MED16: variants seen among roughly 807,000 people sequenced by gnomAD.
MED16 encodes mediator of RNA polymerase II transcription subunit 16.
A neutral mutation model predicts 84.4 loss-of-function variants in MED16; 81 were observed. The observed-to-expected ratio is 0.96, with a 90% confidence interval of 0.80 to 1.15. The LOEUF is 1.15. Ranked by LOEUF, MED16 falls within the 50% of genes most tolerant of loss-of-function variation. MED16 has a pLI of 0.00. For missense variants in MED16, 1,585 were observed against 1,245.9 expected (o/e 1.27, Z -4.10); for synonymous variants, 897 against 552.2 (o/e 1.62, Z -8.76).
At position 878,708 on chromosome 19, in the gene MED16, C is replaced by T. The variant is rs1395168427; in HGVS notation, c.1353+1229G>A. On this transcript the variant is annotated intron_variant, in intron 8 of 15. Transcript: ENST00000325464. Reference sequence around the variant, plus strand: ...CCCAACCCCACGTGCCCCAGCAGCTCGCCTTCCCCTGGTTGTCAATCCCCA... The same window carrying T: ...CCCAACCCCACGTGCCCCAGCAGCTTGCCTTCCCCTGGTTGTCAATCCCCA... Among the ~76,000 whole-genome samples the T allele has an allele frequency of 3.9e-4, 55 of 139,728 alleles. 1 individual carries two copies. The highest frequency in any genetic ancestry group is 1.3e-3 in the African/African-American group (49 of 36,792). 91.7% of individuals were successfully genotyped at this position (139,728 alleles called of 152,430 possible).
rs1376677726 is a variant in MED16 at position 868,499 on chromosome 19, C to A, written c.2400G>T (p.Arg800Ser). 2 of 1,609,852 alleles carry A rather than the reference C, an allele frequency of 1.2e-6. No individual in the cohort carries two copies. Among genetic ancestry groups the A allele is most frequent in the Non-Finnish European group, 1.7e-6 (2 of 1,179,848 alleles). Residue 800 changes from arginine to serine, a missense_variant and splice_region_variant, in exon 15 of 16, where the codon AGG becomes AGT. Coordinates refer to ENST00000325464, the MANE Select transcript of MED16 (RefSeq NM_005481.3). ...CPTEECKACT[R>S]CGCVTMLKSP... is the part of the protein sequence containing the mutation. Reference sequence around the variant, plus strand: ...ACTTGAGCATGGTGACACAGCCGCACCTGCGGGGAGGCAGGCACTGAGCGG... The same window carrying A: ...ACTTGAGCATGGTGACACAGCCGCAACTGCGGGGAGGCAGGCACTGAGCGG...
chr19:871,516 T>C, intron 12 of MED16: 1 of 1,550,130 alleles, frequency 6.5e-7, no homozygotes, highest in Non-Finnish European at 8.7e-7. Flanking sequence ...GGAAGCACTG[T>C]GCCTTTTCCA....
intron 13 of MED16, among the ~76,000 whole-genome samples, chr19:869,820 G>A (rs1282705736): frequency 6.6e-6 from 1 of 152,208 alleles, no homozygotes; most frequent in African/African-American, 2.4e-5. Flanking sequence ...TGTGCTCCTT[G>A]TCAAACGTGT....
intron 15 of MED16, 66 bp downstream of exon 15, chr19:868,350 G>T (rs1568315900): frequency 1.9e-6 from 3 of 1,592,066 alleles, no homozygotes; most frequent in Admixed American, 1.7e-5. Context: ...GGTAGCTGAG[G>T]AGTAGCTGAG....
intron 13 of MED16, among the ~76,000 whole-genome samples, chr19:869,457 T>C (rs1408996677): frequency 6.6e-6 from 1 of 152,156 alleles, no homozygotes; most frequent in Non-Finnish European, 1.5e-5. Flanking sequence ...GGCCGGCTTA[T>C]TCTGCTCTCA....
Position 881,623 on chromosome 19 carries a change from C to G in MED16, c.1077G>C (p.Leu359=), listed in dbSNP as rs1374518882. The G allele has an allele frequency of 6.2e-7, 1 of 1,612,736 alleles. No individual in the cohort carries two copies. The highest frequency in any genetic ancestry group is 1.3e-5 in the African/African-American group (1 of 75,060). ...DRVSAVALPK[L]PISLTNTDLK... is the part of the protein sequence containing the mutation. ...GGTCGGTGTTGGTGAGCGAGATGGG[C>G]AGCTTGGGCAGCGCCACGGCCGACA... is the stretch of plus-strand genomic sequence containing the variant. The change falls in exon 7 of 16, where the codon CTG becomes CTC. Residue 359 remains leucine (L), a synonymous_variant. Coordinates refer to ENST00000325464, the MANE Select transcript of MED16 (RefSeq NM_005481.3).
In MED16 at chr19:869,249, G is replaced by A. The variant is rs538830741; in HGVS notation, c.2316-303C>T. 5.3e-5 allele frequency among the ~76,000 whole-genome samples: 8 copies of A among 152,314 alleles called. No homozygotes were observed. The East Asian group carries it at 1.2e-3, about 22-fold the overall frequency. On this transcript the variant is annotated intron_variant, in intron 13 of 15. Coordinates refer to ENST00000325464, the MANE Select transcript of MED16 (RefSeq NM_005481.3). ...AGGGACGAGGGTCGGTCCGCCACGTGCCCGGGGAGCCTGAGGTGCAGGGAA... is the reference window on the plus strand; with the variant it reads ...AGGGACGAGGGTCGGTCCGCCACGTACCCGGGGAGCCTGAGGTGCAGGGAA...
At chr19:877,899 GC>G (rs2036295256) in intron 8 of MED16, among the ~76,000 whole-genome samples, 2 of 91,126 alleles carry the variant, frequency 2.2e-5, no homozygotes, top group Non-Finnish European at 2.2e-5. Flanking sequence ...ATGCCCACCA[GC>G]CCCAGCCCCA....
chr19:886,363 CCT>C (rs915147480), intron 4 of MED16, among the ~76,000 whole-genome samples, 162 bp from the exon 5 acceptor site: 1 of 152,196 alleles, frequency 6.6e-6, no homozygotes, highest in Non-Finnish European at 1.5e-5. Context: ...GATGTGATCC[CCT>C]CTGACCCTCC....
intron 9 of MED16, 66 bp from the exon 10 acceptor site, chr19:875,520 A>C: frequency 7.4e-7 from 1 of 1,342,370 alleles, no homozygotes; most frequent in East Asian, 2.5e-5. Flanking sequence ...GCTCCAGCTG[A>C]GGAGAAGAGC....
intron 14 of MED16, 127 bp downstream of exon 14, chr19:868,736 A>AGGGGCGGGGGGGG: frequency 8.7e-7 from 1 of 1,153,034 alleles, no homozygotes; most frequent in Non-Finnish European, 1.2e-6. Flanking sequence ...CCTGGCTCCA[A>AGGGGCGGGGGGGG]CACTCCCTCT....
chr19:871,771 G>A (rs2036066525), intron 12 of MED16, 155 bp downstream of exon 12: 11 of 433,918 alleles, frequency 2.5e-5, no homozygotes, highest in South Asian at 6.4e-5. Context: ...GGGGAGCGGG[G>A]AGAGGGGAGA....
At chr19:877,960 AGCC>A (rs1568325922) in intron 8 of MED16, among the ~76,000 whole-genome samples, 26 of 26,182 alleles carry the variant, frequency 9.9e-4, no homozygotes, top group Non-Finnish European at 1.3e-3. Context: ...CACCAGCCCC[AGCC>A]CCAGCCCCAG....
chr19:875,473 G>T lies in MED16; in HGVS notation c.1561-19C>A, dbSNP rs370156729. The T allele has an allele frequency of 8.2e-6, 13 of 1,588,430 alleles. No individual in the cohort carries two copies. Among genetic ancestry groups the T allele is most frequent in the Non-Finnish European group, 1.1e-5 (13 of 1,174,112 alleles). ...AGAGGACCTGAGGGCAGGAAGCCAG[G>T]TCACCCCAAGGGGCCGGAGCAGAGG... On this transcript the variant is annotated intron_variant, in intron 9 of 15. Coordinates refer to ENST00000325464, the MANE Select transcript of MED16 (RefSeq NM_005481.3).
intron 6 of MED16, among the ~76,000 whole-genome samples, chr19:882,194 A>C (rs1203031171): frequency 1.3e-5 from 2 of 152,236 alleles, no homozygotes; most frequent in African/African-American, 4.8e-5. Flanking sequence ...GACTTCTGGG[A>C]ATCTCAGGCC....
rs1173956213 is a variant in MED16 at position 878,694 on chromosome 19, G to C, written c.1353+1243C>G. 8.9e-3 allele frequency among the ~76,000 whole-genome samples: 108 copies of C among 12,186 alleles called. 2 individuals carry two copies. The highest frequency in any genetic ancestry group is 0.018 in the South Asian group (7 of 384). 8.0% of individuals were successfully genotyped at this position (12,186 alleles called of 152,430 possible). ...CAATGCCCAACAGCCCCAACCCCAC[G>C]TGCCCCAGCAGCTCGCCTTCCCCTG... On this transcript the variant is annotated intron_variant, in intron 8 of 15. Transcript: ENST00000325464.
At chr19:877,247 G>A in intron 8 of MED16, 67 bp from the exon 9 acceptor site, 2 of 1,477,732 alleles carry the variant, frequency 1.4e-6, no homozygotes, top group Non-Finnish European at 9.2e-7. Flanking sequence ...GGAGAGGAAT[G>A]GGGCCCTGGG....
chr19:871,634 C>G lies in MED16; in HGVS notation c.2098+292G>C, dbSNP rs773688258. ...GAAGTGGCTGCCATCCCAAAAGCAC[C>G]CACACAGAGCATGGACCTGTGCTAG... is the stretch of plus-strand genomic sequence containing the variant. On this transcript the variant is annotated intron_variant, in intron 12 of 15. Coordinates refer to ENST00000325464, the MANE Select transcript of MED16 (RefSeq NM_005481.3). 7 of 1,594,822 alleles carry G rather than the reference C, an allele frequency of 4.4e-6. No individual in the cohort carries two copies. In the South Asian group the frequency reaches 6.6e-5, roughly 15 times the overall value.
At chr19:877,609 CT>C (rs1293270230) in intron 8 of MED16, among the ~76,000 whole-genome samples, 2 of 90,968 alleles carry the variant, frequency 2.2e-5, no homozygotes, top group Non-Finnish European at 5.1e-5. Context: ...CCTGTGGTCC[CT>C]TCCCCCGGGG....
Sources: allele counts gnomAD v4.1 joint callset (sites outside exome capture counted in the v4.1 genomes callset), GRCh38; gene constraint gnomAD v4.1.1; transcripts MANE v1.5; gene names NCBI Gene and HGNC (gene_info 2026-07-23, HGNC 2026-07-21).